The following C1orf198 variants were observed in gnomAD, a reference collection of about 807,000 sequenced individuals.
C1orf198 encodes the protein chromosome 1 open reading frame 198.
Under a neutral mutation model 31.4 loss-of-function variants are expected in C1orf198, and 17 were observed. That is an observed-to-expected ratio of 0.54 (90% confidence interval 0.37 to 0.81). C1orf198 has a LOEUF of 0.81. Among genes scored for constraint, C1orf198 ranks in the 40% least tolerant of loss-of-function variants. The probability of loss-of-function intolerance (pLI) is 0.00; values close to 1 mark genes in which losing one functional copy is unlikely to be tolerated. For synonymous variants in C1orf198, 175 were observed against 193.8 expected, an observed-to-expected ratio of 0.90 and a Z score of 0.81; for missense variants, 401 against 450.3, an observed-to-expected ratio of 0.89 and a Z score of 0.99.
chr1:230,863,896 C>T (rs1670053428), intron 1 of C1orf198, among the ~76,000 whole-genome samples: 1 of 152,216 alleles, frequency 6.6e-6, no homozygotes. Flanking sequence ...CAAACATCCA[C>T]CTTCCTTAAA....
intron 2 of C1orf198, among the ~76,000 whole-genome samples, chr1:230,849,556 T>C (rs191065325): frequency 1.3e-5 from 2 of 152,194 alleles, no homozygotes; most frequent in East Asian, 1.9e-4. Context: ...AGTCACCCCA[T>C]GCGGGGAACT....
chr1:230,859,255 T>C (rs1423892335), intron 1 of C1orf198, among the ~76,000 whole-genome samples: 1 of 152,092 alleles, frequency 6.6e-6, no homozygotes, highest in Non-Finnish European at 1.5e-5. Context: ...TGTCCTTTCT[T>C]CTACTCCCAT....
chr1:230,846,432 C>A (rs562911101), intron 2 of C1orf198, among the ~76,000 whole-genome samples: 1 of 152,374 alleles, frequency 6.6e-6, no homozygotes, highest in African/African-American at 2.4e-5. Flanking sequence ...AGGATTCTCG[C>A]CAATGGGCAG....
intron 1 of C1orf198, among the ~76,000 whole-genome samples, chr1:230,864,344 A>C (rs904085044): frequency 2.6e-5 from 4 of 152,204 alleles, no homozygotes; most frequent in Non-Finnish European, 5.9e-5. Context: ...TTTGCTAAAC[A>C]TAGGTACCCA....
Position 230,849,635 on chromosome 1 carries a change from C to T in C1orf198, c.385-5739G>A, listed in dbSNP as rs182077578. 1.8e-3 allele frequency among the ~76,000 whole-genome samples: 273 copies of T among 152,354 alleles called. No homozygotes were observed. In the Middle Eastern group the frequency reaches 0.02, roughly 11 times the overall value. On this transcript the variant is annotated intron_variant, in intron 2 of 3. Coordinates refer to ENST00000366663, the MANE Select transcript of C1orf198 (RefSeq NM_032800.3). ...AACCGAGCCCAGTGTCTATTTTTAACGTCCCACTCACTGAAGAGGAATGTG... is the reference window on the plus strand; with the variant it reads ...AACCGAGCCCAGTGTCTATTTTTAATGTCCCACTCACTGAAGAGGAATGTG...
intron 1 of C1orf198, among the ~76,000 whole-genome samples, chr1:230,861,393 G>A (rs1310216636): frequency 2.0e-5 from 3 of 152,026 alleles, no homozygotes; most frequent in Non-Finnish European, 2.9e-5. Flanking sequence ...TTTTTAAAGT[G>A]TGCCCCCCCC....
At chr1:230,844,592 G>A (rs564869733) in intron 2 of C1orf198, among the ~76,000 whole-genome samples, 10 of 152,292 alleles carry the variant, frequency 6.6e-5, no homozygotes, top group South Asian at 4.1e-4. Context: ...GAGTATTACC[G>A]ATGAGTAAGG....
chr1:230,843,454 T>C lies in C1orf198; in HGVS notation c.827A>G (p.His276Arg). 6.2e-7 allele frequency: 1 copy of C among 1,606,416 alleles called. No individual in the cohort carries two copies. Among genetic ancestry groups the C allele is most frequent in the South Asian group, 1.1e-5 (1 of 89,852 alleles). The change falls in exon 3 of 4, where the codon CAC becomes CGC. Residue 276 changes from histidine to arginine, a missense_variant. Transcript: ENST00000366663. This position sits in a 1 kb window ranked among gnomAD's most constrained non-coding sequence, Gnocchi z 4.9. Reference sequence around the variant, plus strand: ...CTCGAGCTGGGAGGGGGCAGCCTCGTGCAGTGCACTGCTGAAGGCCTGGAC... The same window carrying C: ...CTCGAGCTGGGAGGGGGCAGCCTCGCGCAGTGCACTGCTGAAGGCCTGGAC... ...QPVQAFSSAL[H>R]EAAPSQLEGK...
Position 230,839,766 on chromosome 1 carries a change from A to G in C1orf198, c.*86T>C. 8.8e-7 allele frequency: 1 copy of G among 1,137,994 alleles called. No homozygotes were observed. Among genetic ancestry groups the G allele is most frequent in the Non-Finnish European group, 1.3e-6 (1 of 790,700 alleles). The allele number at this position is 1,137,994 out of a possible 1,614,324, so 70.5% of individuals were successfully genotyped here. ...GTGTCAAGAAACCAGTAAAATACAT[A>G]GGAAAAGGTGGCCCTTTTTATCCTC... On this transcript the variant is annotated 3_prime_UTR_variant, in exon 4 of 4. Coordinates refer to ENST00000366663, the MANE Select transcript of C1orf198 (RefSeq NM_032800.3).
chr1:230,843,897 C>A lies in C1orf198; in HGVS notation c.385-1G>T. Reference sequence around the variant, plus strand: ...CGGAGATACTGAACTCCATCTGACTCTAGGGTGGGACATGAGAAAGGACAG... The same window carrying A: ...CGGAGATACTGAACTCCATCTGACTATAGGGTGGGACATGAGAAAGGACAG... On this transcript the variant is annotated splice_acceptor_variant, in intron 2 of 3. Transcript: ENST00000366663. LOFTEE classifies it high-confidence loss of function. This position sits in a 1 kb window ranked among gnomAD's most constrained non-coding sequence, Gnocchi z 4.9. 6.6e-7 allele frequency: 1 copy of A among 1,504,700 alleles called. No homozygotes were observed. The highest frequency in any genetic ancestry group is 8.8e-7 in the Non-Finnish European group (1 of 1,131,430). The allele number at this position is 1,504,700 out of a possible 1,614,324, so 93.2% of individuals were successfully genotyped here.
intron 3 of C1orf198, among the ~76,000 whole-genome samples, chr1:230,842,070 C>A (rs1389110901): frequency 6.6e-6 from 1 of 152,064 alleles, no homozygotes; most frequent in Non-Finnish European, 1.5e-5. Context: ...TATGAGGTAC[C>A]TAGAGGAGTC....
chr1:230,852,528 C>T (rs1245105224), intron 2 of C1orf198, among the ~76,000 whole-genome samples: 2 of 152,034 alleles, frequency 1.3e-5, no homozygotes, highest in African/African-American at 2.4e-5. Context: ...TGTTGTACAT[C>T]ATAAATATAC....
chr1:230,857,777 A>G lies in C1orf198; in HGVS notation c.334-2059T>C, dbSNP rs1276353759. On this transcript the variant is annotated intron_variant, in intron 1 of 3. Transcript: ENST00000366663. This position sits in a 1 kb window ranked among gnomAD's most constrained non-coding sequence, Gnocchi z 4.2. ...ATACTAGGTATAAATATTAAGAATT[A>G]CAAAAGTGAGGGAAAAGCCCTACAA... Among the ~76,000 whole-genome samples, 1 of 152,250 alleles carries G rather than the reference A, an allele frequency of 6.6e-6. No individual in the cohort carries two copies. Among genetic ancestry groups the G allele is most frequent in the Non-Finnish European group, 1.5e-5 (1 of 68,048 alleles).
intron 2 of C1orf198, among the ~76,000 whole-genome samples, chr1:230,850,720 G>A (rs982956216): frequency 6.6e-6 from 1 of 151,978 alleles, no homozygotes; most frequent in South Asian, 2.1e-4. Flanking sequence ...GCAGAGATGG[G>A]GGTCTCGGTG....
At chr1:230,868,537 C>A (rs766643148), upstream of C1orf198, 45 of 1,261,968 alleles carry the variant, frequency 3.6e-5, no homozygotes, top group East Asian at 7.5e-4. Flanking sequence ...CCGCTCCCGG[C>A]CCGCGCCCCG....
intron 1 of C1orf198, among the ~76,000 whole-genome samples, chr1:230,859,710 G>A (rs187401588): frequency 3.3e-5 from 5 of 152,210 alleles, no homozygotes; most frequent in African/African-American, 7.2e-5. Context: ...CAAGGACTCC[G>A]GGATAAACAC....
chr1:230,857,917 T>G lies in C1orf198; in HGVS notation c.334-2199A>C, dbSNP rs1178956902. On this transcript the variant is annotated intron_variant, in intron 1 of 3. Coordinates refer to ENST00000366663, the MANE Select transcript of C1orf198 (RefSeq NM_032800.3). This position sits in a 1 kb window ranked among gnomAD's most constrained non-coding sequence, Gnocchi z 4.2. ...GACCCCCATCCTCAGAGTGTTACAG[T>G]CACTGTCCTGTAATGGTATTTGCTT... 6.6e-6 allele frequency among the ~76,000 whole-genome samples: 1 copy of G among 152,186 alleles called. No individual in the cohort carries two copies. Among genetic ancestry groups the G allele is most frequent in the Non-Finnish European group, 1.5e-5 (1 of 68,040 alleles).
intron 1 of C1orf198, among the ~76,000 whole-genome samples, chr1:230,862,553 C>A (rs1474476815): frequency 6.6e-6 from 1 of 152,120 alleles, no homozygotes; most frequent in Non-Finnish European, 1.5e-5. Flanking sequence ...AGCTACCAAG[C>A]CATACAAAGA....
chr1:230,862,094 G>A (rs1670016621), intron 1 of C1orf198, among the ~76,000 whole-genome samples: 1 of 152,186 alleles, frequency 6.6e-6, no homozygotes, highest in African/African-American at 2.4e-5. Flanking sequence ...GGCCATCTTG[G>A]TTCATCCAGG....
Sources: allele counts gnomAD v4.1 joint callset (sites outside exome capture counted in the v4.1 genomes callset), GRCh38; gene constraint gnomAD v4.1.1; non-coding constraint Gnocchi (gnomAD v3.1); transcripts MANE v1.5; gene names NCBI Gene and HGNC (gene_info 2026-07-23, HGNC 2026-07-21).